The following JMJD1C variants were observed in gnomAD, a reference collection of about 807,000 sequenced individuals.
JMJD1C encodes jumonji domain containing 1C, also known as jumonji domain-containing protein 1C.
Under a neutral mutation model 245.3 loss-of-function variants are expected in JMJD1C, and 31 were observed. That is an observed-to-expected ratio of 0.13 (90% confidence interval 0.09 to 0.17). JMJD1C has a LOEUF of 0.17. Among genes scored for constraint, JMJD1C ranks in the 10% least tolerant of loss-of-function variants. The pLI, the probability that JMJD1C is intolerant of heterozygous loss-of-function variation, is 1.00. For missense variants in JMJD1C, 2,691 were observed against 3,000.2 expected (o/e 0.90, Z 2.41); for synonymous variants, 1,057 against 1,017.4 (o/e 1.04, Z -0.74).
intron 2 of JMJD1C, among the ~76,000 whole-genome samples, chr10:63,337,624 A>AAAAGAAAAGAAAAGGAAAAGAAAAG (rs139374030): frequency 1.7e-5 from 1 of 60,194 alleles, no homozygotes; most frequent in African/African-American, 7.4e-5. Flanking sequence ...AAAAGAAAAG[A>AAAAGAAAAGAAAAGGAAAAGAAAAG]AAAAGAAAAG....
At chr10:63,443,643 A>G (rs1326281547) in intron 1 of JMJD1C, among the ~76,000 whole-genome samples, 1 of 152,192 alleles carries the variant, frequency 6.6e-6, no homozygotes, top group Non-Finnish European at 1.5e-5. Flanking sequence ...GTCTGGTTAC[A>G]TATGCAAACC....
chr10:63,307,485 T>G (rs575221979), intron 2 of JMJD1C, among the ~76,000 whole-genome samples: 2 of 152,218 alleles, frequency 1.3e-5, no homozygotes, highest in African/African-American at 4.8e-5. Flanking sequence ...AAATACCTCA[T>G]AAGGACAGGG....
intron 3 of JMJD1C, among the ~76,000 whole-genome samples, chr10:63,251,977 C>T (rs1853153163): frequency 6.6e-6 from 1 of 152,186 alleles, no homozygotes; most frequent in African/African-American, 2.4e-5. Context: ...CGTGCCACTG[C>T]ACTCCAGCCT....
intron 1 of JMJD1C, among the ~76,000 whole-genome samples, chr10:63,478,065 C>T (rs974330726): frequency 2.0e-5 from 3 of 152,162 alleles, no homozygotes; most frequent in South Asian, 2.1e-4. Flanking sequence ...AATCAGAACT[C>T]TCATACAGTG....
chr10:63,169,454 T>C (rs1162359981), intron 24 of JMJD1C, among the ~76,000 whole-genome samples: 1 of 152,110 alleles, frequency 6.6e-6, no homozygotes, highest in Non-Finnish European at 1.5e-5. Context: ...AAACTAAGCA[T>C]TTAAAGTTAC....
intron 11 of JMJD1C, among the ~76,000 whole-genome samples, chr10:63,199,931 T>G (rs1451275854): frequency 3.3e-5 from 5 of 152,142 alleles, no homozygotes; most frequent in African/African-American, 1.2e-4. Context: ...TCATTAAACC[T>G]CTCTTAGGTA....
intron 17 of JMJD1C, among the ~76,000 whole-genome samples, chr10:63,189,900 T>C (rs1361300110): frequency 4.6e-5 from 7 of 150,950 alleles, no homozygotes; most frequent in African/African-American, 1.5e-4. Context: ...ACATTTTTTT[T>C]TTTTTTTGAG....
intron 3 of JMJD1C, among the ~76,000 whole-genome samples, chr10:63,233,616 A>G: frequency 6.6e-6 from 1 of 152,056 alleles, no homozygotes; most frequent in South Asian, 2.1e-4. Flanking sequence ...TACAGCCTTA[A>G]AAATATTTTA....
intron 5 of JMJD1C, among the ~76,000 whole-genome samples, chr10:63,216,037 A>G (rs72829183): frequency 0.051 from 7,788 of 152,272 alleles, 298 homozygotes; most frequent in African/African-American, 0.11. Flanking sequence ...GCAGTTGTAA[A>G]ATAAAACTCA....
intron 1 of JMJD1C, among the ~76,000 whole-genome samples, chr10:63,451,020 T>C (rs1207330785): frequency 6.6e-6 from 1 of 150,780 alleles, no homozygotes; most frequent in Admixed American, 6.6e-5. Flanking sequence ...AAATCAACAA[T>C]GGACAATCTG....
At position 63,352,768 on chromosome 10, in the gene JMJD1C, G is replaced by GTA. The variant is rs1246591862; in HGVS notation, c.333+27548_333+27549dup. ...AACAAGAGAGGTTTGAAATGCATAG[G>GTA]TATGCGTAGTTTTTAATAGAACATG... On this transcript the variant is annotated intron_variant, in intron 2 of 25. Transcript: ENST00000399262. Among the ~76,000 whole-genome samples the GTA allele has an allele frequency of 3.9e-5, 6 of 152,254 alleles. No homozygotes were observed. In the South Asian group the frequency reaches 1.2e-3, roughly 32 times the overall value.
chr10:63,262,740 CAG>C (rs1854944630), intron 3 of JMJD1C, among the ~76,000 whole-genome samples: 1 of 152,146 alleles, frequency 6.6e-6, no homozygotes, highest in African/African-American at 2.4e-5. Flanking sequence ...AGCTTACTAA[CAG>C]AGACAAACAT....
intron 1 of JMJD1C, among the ~76,000 whole-genome samples, chr10:63,423,817 T>C (rs1003941671): frequency 2.6e-5 from 4 of 152,222 alleles, no homozygotes; most frequent in Non-Finnish European, 5.9e-5. Flanking sequence ...GTTTTCCAGG[T>C]TTTGTATTTT....
At chr10:63,310,576 G>T (rs1939042522) in intron 2 of JMJD1C, among the ~76,000 whole-genome samples, 1 of 152,092 alleles carries the variant, frequency 6.6e-6, no homozygotes, top group African/African-American at 2.4e-5. Context: ...CACTACATGG[G>T]AAAAAATTTC....
chr10:63,240,016 C>CTAT (rs1182115405), intron 3 of JMJD1C, among the ~76,000 whole-genome samples: 1 of 152,160 alleles, frequency 6.6e-6, no homozygotes, highest in African/African-American at 2.4e-5. Flanking sequence ...GTATATCACA[C>CTAT]TATATAAGTT....
At chr10:63,254,142 A>T (rs1853506064) in intron 3 of JMJD1C, among the ~76,000 whole-genome samples, 2 of 152,172 alleles carry the variant, frequency 1.3e-5, no homozygotes, top group Non-Finnish European at 2.9e-5. Context: ...TTTGAATTTT[A>T]GCTTTGAGCA....
intron 2 of JMJD1C, among the ~76,000 whole-genome samples, chr10:63,336,931 T>C (rs1261776451): frequency 6.6e-6 from 1 of 151,984 alleles, no homozygotes; most frequent in Non-Finnish European, 1.5e-5. Context: ...ACCTCCGCCT[T>C]CTGTGTTCAA....
rs1043829623 is a variant in JMJD1C, at chr10:63,208,633, T to C, written c.3036A>G (p.Gly1012=). The C allele has an allele frequency of 3.1e-6, 5 of 1,613,936 alleles. No individual in the cohort carries two copies. The African/African-American group carries it at 6.7e-5, about 22-fold the overall frequency. Residue 1012 remains glycine (G), a synonymous_variant, in exon 10 of 26, where the codon GGA becomes GGG. Transcript: ENST00000399262. Reference sequence around the variant, plus strand: ...CCTCTTTGTATTTGTTTAACCTCTCTCCAGTCTCCTGGGGTGGCCTCTGTA... The same window carrying C: ...CCTCTTTGTATTTGTTTAACCTCTCCCCAGTCTCCTGGGGTGGCCTCTGTA... ...NQLQRPPQET[G]ERLNKYKEEH... is the part of the protein sequence containing the mutation.
intron 1 of JMJD1C, among the ~76,000 whole-genome samples, chr10:63,455,544 T>C (rs1293658153): frequency 6.6e-6 from 1 of 152,198 alleles, no homozygotes; most frequent in African/African-American, 2.4e-5. Context: ...ACTGGATTCT[T>C]ATTTACCAAG....
Sources: allele counts gnomAD v4.1 joint callset (sites outside exome capture counted in the v4.1 genomes callset), GRCh38; gene constraint gnomAD v4.1.1; transcripts MANE v1.5; gene names NCBI Gene and HGNC (gene_info 2026-07-23, HGNC 2026-07-21).